Variants in FSTL5 observed in about 807,000 individuals in gnomAD.
FSTL5 encodes the protein follistatin-related protein 5.
Under a neutral mutation model 89.1 loss-of-function variants are expected in FSTL5, and 62 were observed. That is an observed-to-expected ratio of 0.70 (90% CI 0.57 to 0.86). The LOEUF is 0.86. Ranked by LOEUF, FSTL5 falls within the 40% of genes least tolerant of loss-of-function variation. The pLI, the probability that FSTL5 is intolerant of heterozygous loss-of-function variation, is 0.00. For missense variants in FSTL5, 1,057 were observed against 1,001.6 expected (o/e 1.06, Z -0.75); for synonymous variants, 383 against 346.2 (o/e 1.11, Z -1.18).
intron 6 of FSTL5, among the ~76,000 whole-genome samples, chr4:161,751,469 A>C (rs1740388280): frequency 6.6e-6 from 1 of 152,156 alleles, no homozygotes; most frequent in South Asian, 2.1e-4. Flanking sequence ...TAGCCAGGGG[A>C]TAGCTATGAA....
chr4:161,607,279 A>C (rs1433135379), intron 7 of FSTL5, among the ~76,000 whole-genome samples: 1 of 152,196 alleles, frequency 6.6e-6, no homozygotes, highest in Non-Finnish European at 1.5e-5. Flanking sequence ...TATATGAGGA[A>C]TATATTGCTA....
intron 3 of FSTL5, among the ~76,000 whole-genome samples, chr4:161,923,567 T>C (rs1734048494): frequency 6.6e-6 from 1 of 151,832 alleles, no homozygotes; most frequent in African/African-American, 2.4e-5. Context: ...CATCAAATAA[T>C]GAGTTAAGAT....
chr4:162,035,467 C>CAA (rs1737701672), intron 2 of FSTL5: 1 of 151,866 alleles, frequency 6.6e-6, no homozygotes, highest in Non-Finnish European at 1.5e-5. Context: ...TTCAAATTGT[C>CAA]CTGAGTTACA....
chr4:161,746,036 AC>A (rs913637379), intron 6 of FSTL5, among the ~76,000 whole-genome samples: 1 of 152,166 alleles, frequency 6.6e-6, no homozygotes, highest in African/African-American at 2.4e-5. Context: ...AAAGTTTTTA[AC>A]AAATTCATCA....
At chr4:161,903,252 T>C (rs1410534925) in intron 4 of FSTL5, among the ~76,000 whole-genome samples, 3 of 152,136 alleles carry the variant, frequency 2.0e-5, no homozygotes, top group Admixed American at 2.0e-4. Flanking sequence ...TAAAAGACAC[T>C]ATCGATGTGA....
chr4:161,548,589 T>C (rs977065691), intron 8 of FSTL5, among the ~76,000 whole-genome samples: 1 of 151,822 alleles, frequency 6.6e-6, no homozygotes, highest in Non-Finnish European at 1.5e-5. Context: ...AGTTATGTCA[T>C]AGGTAGTTAG....
intron 3 of FSTL5, among the ~76,000 whole-genome samples, chr4:161,957,157 C>G (rs181530131): frequency 2.0e-3 from 304 of 151,864 alleles, no homozygotes; most frequent in Middle Eastern, 3.4e-3. Flanking sequence ...ATTTAAAACC[C>G]TGAAAATACA....
intron 1 of FSTL5, among the ~76,000 whole-genome samples, chr4:162,161,532 T>C (rs570053126): frequency 3.9e-5 from 6 of 152,110 alleles, no homozygotes; most frequent in Non-Finnish European, 5.9e-5. Context: ...GCCAGTAGCA[T>C]AGTTTGACTT....
chr4:161,452,561 C>T (rs913315003), intron 15 of FSTL5, among the ~76,000 whole-genome samples: 1 of 151,710 alleles, frequency 6.6e-6, no homozygotes, highest in Admixed American at 6.6e-5. Flanking sequence ...TGGAATAAAT[C>T]CTCATTATGT....
intron 2 of FSTL5, among the ~76,000 whole-genome samples, chr4:162,044,995 C>T (rs1256083965): frequency 7.2e-5 from 11 of 152,148 alleles, no homozygotes; most frequent in South Asian, 2.1e-4. Context: ...AATAAAGCTG[C>T]TTCACTTTCT....
intron 6 of FSTL5, among the ~76,000 whole-genome samples, chr4:161,718,458 T>C (rs566555035): frequency 1.1e-4 from 17 of 152,124 alleles, no homozygotes; most frequent in African/African-American, 4.1e-4. Context: ...AGATGGAGTC[T>C]CACTCTGTCA....
At chr4:161,661,017 G>A (rs564793319) in intron 6 of FSTL5, among the ~76,000 whole-genome samples, 3 of 152,034 alleles carry the variant, frequency 2.0e-5, no homozygotes, top group Admixed American at 2.0e-4. Context: ...GGGATTTCTG[G>A]GTCAATGGGA....
intron 12 of FSTL5, among the ~76,000 whole-genome samples, chr4:161,498,669 A>G (rs75259043): frequency 0.075 from 11,444 of 152,234 alleles, 564 homozygotes; most frequent in Middle Eastern, 0.14. Flanking sequence ...CTCCTATAAA[A>G]TTATTTTGCT....
intron 4 of FSTL5, among the ~76,000 whole-genome samples, chr4:161,886,211 A>G (rs1175149039): frequency 2.0e-5 from 3 of 152,146 alleles, no homozygotes; most frequent in Non-Finnish European, 4.4e-5. Flanking sequence ...GTGTCATTAC[A>G]ATTCATAGAA....
In FSTL5 at chr4:161,481,146, C is replaced by G. The variant is rs753515958; in HGVS notation, c.1482G>C (p.Glu494Asp). ...ACACACACCTCTGAACTTCATCTCC[C>G]TCAGCTTTGGGACAGACTTCATCCT... ...GFQDEVCPKA[E>D]GDEVQRCVWA... The change falls in exon 13 of 16, where the codon GAG becomes GAC. Residue 494 changes from glutamate to aspartate, a missense_variant. Around this residue, in one of 3 missense-constraint regions of FSTL5, gnomAD observed 980 missense variants for 903.2 expected, o/e 1.08. Coordinates refer to ENST00000306100, the MANE Select transcript of FSTL5 (RefSeq NM_020116.5). 2 of 1,611,158 alleles carry G rather than the reference C, an allele frequency of 1.2e-6. No individual in the cohort carries two copies. The highest frequency in any genetic ancestry group is 2.2e-5 in the South Asian group (2 of 90,564).
intron 7 of FSTL5, among the ~76,000 whole-genome samples, chr4:161,652,690 G>T (rs182145799): frequency 2.0e-5 from 3 of 151,726 alleles, no homozygotes; most frequent in Non-Finnish European, 2.9e-5. Flanking sequence ...AAAATGAGGG[G>T]ATACAAAAAT....
At chr4:161,899,966 G>T (rs910797022) in intron 4 of FSTL5, among the ~76,000 whole-genome samples, 1 of 152,096 alleles carries the variant, frequency 6.6e-6, no homozygotes, top group Non-Finnish European at 1.5e-5. Flanking sequence ...TGGTCAAGGC[G>T]GATGGATCAC....
At chr4:161,775,071 TTAA>T (rs1378022396) in intron 5 of FSTL5, among the ~76,000 whole-genome samples, 2 of 152,158 alleles carry the variant, frequency 1.3e-5, no homozygotes, top group Non-Finnish European at 2.9e-5. Context: ...AAATACTTGT[TTAA>T]TAAGACCAAT....
chr4:161,470,848 G>A (rs1414971491), intron 13 of FSTL5, among the ~76,000 whole-genome samples: 1 of 152,022 alleles, frequency 6.6e-6, no homozygotes, highest in Non-Finnish European at 1.5e-5. Context: ...ATTATGCTAT[G>A]ACAAGTTGAA....
Sources: allele counts gnomAD v4.1 joint callset (sites outside exome capture counted in the v4.1 genomes callset), GRCh38; gene constraint gnomAD v4.1.1; regional missense constraint gnomAD v4.1.1; transcripts MANE v1.5; gene names NCBI Gene and HGNC (gene_info 2026-07-23, HGNC 2026-07-21).